The following ITCH variants were observed in gnomAD, a reference collection of about 807,000 sequenced individuals.
ITCH encodes the protein E3 ubiquitin-protein ligase Itchy homolog.
A neutral mutation model predicts 126.8 loss-of-function variants in ITCH; 28 were observed. That is an observed-to-expected ratio of 0.22 (90% CI 0.16 to 0.30). The LOEUF (loss-of-function observed/expected upper bound fraction) is 0.30. Ranked by LOEUF, ITCH falls within the 10% of genes least tolerant of loss-of-function variation. The probability of loss-of-function intolerance (pLI) is 1.00; values close to 1 mark genes in which losing one functional copy is unlikely to be tolerated. For missense variants in ITCH, 631 were observed against 1,032.4 expected, an observed-to-expected ratio of 0.61 and a Z score of 5.33; for synonymous variants, 342 against 340.0, an observed-to-expected ratio of 1.01 and a Z score of -0.06.
At chr20:34,422,600 T>C (rs1047288105) in intron 6 of ITCH, among the ~76,000 whole-genome samples, 1 of 152,202 alleles carries the variant, frequency 6.6e-6, no homozygotes, top group Non-Finnish European at 1.5e-5. Flanking sequence ...AACATCTTTA[T>C]TGAGTTGTAT....
chr20:34,496,959 C>T (rs1989927959), intron 23 of ITCH, among the ~76,000 whole-genome samples: 1 of 152,008 alleles, frequency 6.6e-6, no homozygotes. Flanking sequence ...TTCTGTTATT[C>T]CAGTACCATT....
At chr20:34,469,324 T>G (rs1008481198) in intron 14 of ITCH, among the ~76,000 whole-genome samples, 10 of 152,262 alleles carry the variant, frequency 6.6e-5, no homozygotes, top group African/African-American at 2.4e-4. Context: ...AGTCTAGCTT[T>G]GTCACCCTTG....
chr20:34,432,342 A>G (rs1417584332), intron 7 of ITCH, among the ~76,000 whole-genome samples: 1 of 152,206 alleles, frequency 6.6e-6, no homozygotes, highest in Non-Finnish European at 1.5e-5. Context: ...TGTATTATCA[A>G]AAGCAAAGGA....
chr20:34,435,158 G>C (rs575018314), intron 7 of ITCH, among the ~76,000 whole-genome samples: 2 of 145,412 alleles, frequency 1.4e-5, no homozygotes, highest in East Asian at 3.9e-4. Flanking sequence ...TGATTTTTTG[G>C]TTTGTTTGTT....
At chr20:34,464,883 G>A (rs1415673759) in intron 14 of ITCH, among the ~76,000 whole-genome samples, 2 of 151,616 alleles carry the variant, frequency 1.3e-5, no homozygotes, top group African/African-American at 2.4e-5. Context: ...GCTAATTTTC[G>A]TATTTTTAGT....
intron 16 of ITCH, chr20:34,476,070 A>T: frequency 8.9e-7 from 1 of 1,128,170 alleles, no homozygotes; most frequent in Middle Eastern, 2.6e-4. Flanking sequence ...CGAGCATGTG[A>T]TTCTCCTCAT....
At chr20:34,369,913 G>A (rs1464217101) in intron 2 of ITCH, among the ~76,000 whole-genome samples, 2 of 151,722 alleles carry the variant, frequency 1.3e-5, no homozygotes, top group Admixed American at 1.3e-4. Flanking sequence ...GGACCAGCCT[G>A]GACAACATGG....
chr20:34,412,546 C>T lies in ITCH; in HGVS notation c.244C>T (p.Arg82Cys), dbSNP rs532322331. 5.6e-6 allele frequency: 9 copies of T among 1,600,932 alleles called. No individual in the cohort carries two copies. The highest frequency in any genetic ancestry group is 1.1e-5 in the South Asian group (1 of 90,806). ...TACCCCTGTGAGTAAATTACATTTT[C>T]GTGTGTGGAGTCACCAGACACTGAA... Reference protein sequence around the residue: ...IVTPVSKLHFRVWSHQTLKSD... With the variant: ...IVTPVSKLHFCVWSHQTLKSD... Residue 82 changes from arginine to cysteine, a missense_variant, in exon 5 of 25, where the codon CGT (arginine) becomes TGT (cysteine). By Grantham distance (180) the Arg-to-Cys change is radical. Transcript: ENST00000374864.
At chr20:34,475,694 AGGCAGGGGCAGG>A (rs1197240224) in intron 16 of ITCH, among the ~76,000 whole-genome samples, 52 of 142,362 alleles carry the variant, frequency 3.7e-4, no homozygotes, top group Admixed American at 7.7e-4. Flanking sequence ...GGAGAGGCAG[AGGCAGGGGCAGG>A]GGCAGGGGCA....
rs767585133 is a variant in ITCH, at chr20:34,511,705, G to C, written c.*3911G>C. On this transcript the variant is annotated 3_prime_UTR_variant, in exon 25 of 25. Transcript: ENST00000374864. ...CAACTCAAAACTACAAAGTTTTCCA[G>C]AGCTTATTTACATTATAAGCTATAT... is the stretch of plus-strand genomic sequence containing the variant. 5.9e-5 allele frequency among the ~76,000 whole-genome samples: 9 copies of C among 152,274 alleles called. No individual in the cohort carries two copies. Among genetic ancestry groups the C allele is most frequent in the Non-Finnish European group, 1.0e-4 (7 of 68,016 alleles).
At chr20:34,418,654 T>C (rs2146199148) in intron 6 of ITCH, among the ~76,000 whole-genome samples, 1 of 152,232 alleles carries the variant, frequency 6.6e-6, no homozygotes, top group Non-Finnish European at 1.5e-5. Flanking sequence ...GTTTTAAAAA[T>C]TTGACTTACA....
At chr20:34,454,178 C>G in intron 12 of ITCH, among the ~76,000 whole-genome samples, 1 of 148,880 alleles carries the variant, frequency 6.7e-6, no homozygotes, top group Admixed American at 6.7e-5. Flanking sequence ...CGCTCTGTCG[C>G]CCAGGCTGGA....
chr20:34,481,316 T>TA lies in ITCH; in HGVS notation c.2093+112dup. 3.4e-6 allele frequency: 4 copies of TA among 1,185,906 alleles called. No homozygotes were observed. In the South Asian group the frequency reaches 5.2e-5, roughly 15 times the overall value. The allele number at this position is 1,185,906 out of a possible 1,614,324, so 73.5% of individuals were successfully genotyped here. On this transcript the variant is annotated intron_variant, in intron 20 of 24. Coordinates refer to ENST00000374864, the MANE Select transcript of ITCH (RefSeq NM_031483.7). ...CCAAAAATAGTATTTGTCTCTGTAC[T>TA]AATCAATATCCTATGTAGGCAGTCA...
intron 7 of ITCH, among the ~76,000 whole-genome samples, chr20:34,429,659 T>C (rs561809222): frequency 2.0e-5 from 3 of 152,324 alleles, no homozygotes; most frequent in Non-Finnish European, 4.4e-5. Context: ...AGAAGTCTGT[T>C]TCCCCAAAGT....
At chr20:34,468,439 C>T (rs770753463) in intron 14 of ITCH, among the ~76,000 whole-genome samples, 2 of 152,126 alleles carry the variant, frequency 1.3e-5, no homozygotes, top group Admixed American at 6.5e-5. Flanking sequence ...AGGATATCTA[C>T]TGTCATTACT....
chr20:34,393,958 A>C, intron 3 of ITCH, 77 bp downstream of exon 3: 2 of 1,315,296 alleles, frequency 1.5e-6, no homozygotes, highest in Non-Finnish European at 2.2e-6. Flanking sequence ...AGGGCCAGGC[A>C]TGGTGGCCCA....
chr20:34,484,019 A>G lies in ITCH; in HGVS notation c.2093+2813A>G, dbSNP rs147400263. Among the ~76,000 whole-genome samples, 509 of 152,290 alleles carry G rather than the reference A, an allele frequency of 3.3e-3. 3 individuals are homozygous for G. In the Middle Eastern group the frequency reaches 0.048, roughly 14 times the overall value. On this transcript the variant is annotated intron_variant, in intron 20 of 24. Transcript: ENST00000374864. ...CCATCAGATCTTGTGAGACTTATTC[A>G]CTATAATGAGAACAACATGAGAAAG...
chr20:34,510,313 G>T lies in ITCH; in HGVS notation c.*2519G>T, dbSNP rs932668652. ...TCTACCAAATGCTATCTTAAATTTT[G>T]GTCCAAACTGAACATATGGAAATAG... On this transcript the variant is annotated 3_prime_UTR_variant, in exon 25 of 25. Transcript: ENST00000374864. 1 of 152,308 alleles carries T rather than the reference G, an allele frequency of 6.6e-6. No homozygotes were observed. The highest frequency in any genetic ancestry group is 2.4e-5 in the African/African-American group (1 of 41,334). 9.4% of individuals were successfully genotyped at this position (152,308 alleles called of 1,614,324 possible). A position where few individuals can be genotyped will look rare whatever the true frequency, so the allele number is the denominator to read the frequency against.
At chr20:34,449,569 GATACTGTGCTC>G in intron 12 of ITCH, 89 bp downstream of exon 12, 1 of 893,042 alleles carries the variant, frequency 1.1e-6, no homozygotes. Flanking sequence ...ATTTATGTCT[GATACTGTGCTC>G]TTGCTTGAGT....
Sources: gnomAD v4.1 joint callset for allele counts (sites outside exome capture counted in the v4.1 genomes callset) on GRCh38, gnomAD v4.1.1 for gene constraint, MANE v1.5 for transcripts, NCBI Gene and HGNC (gene_info 2026-07-23, HGNC 2026-07-21) for gene names.